Variants in FNDC3A observed in about 807,000 individuals in gnomAD.
FNDC3A encodes the protein fibronectin type III domain containing 3A.
A neutral mutation model predicts 148.9 loss-of-function variants in FNDC3A; 32 were observed. The observed-to-expected ratio is 0.21, with a 90% confidence interval of 0.16 to 0.29. The LOEUF (loss-of-function observed/expected upper bound fraction) is 0.29. Among genes scored for constraint, FNDC3A ranks in the 10% least tolerant of loss-of-function variants. FNDC3A has a pLI of 1.00. For missense variants in FNDC3A, 1,191 were observed against 1,452.8 expected (o/e 0.82, Z 2.93); for synonymous variants, 472 against 473.6 (o/e 1.00, Z 0.04).
chr13:49,047,557 G>A (rs145378028), intron 2 of FNDC3A, among the ~76,000 whole-genome samples: 2 of 152,142 alleles, frequency 1.3e-5, no homozygotes, highest in African/African-American at 4.8e-5. Flanking sequence ...GTGATGTTGA[G>A]CATTTTTCCA....
intron 8 of FNDC3A, among the ~76,000 whole-genome samples, chr13:49,165,752 A>G (rs1363211117): frequency 6.6e-6 from 1 of 152,178 alleles, no homozygotes; most frequent in African/African-American, 2.4e-5. Flanking sequence ...CGGTGATGTC[A>G]TTAGCAATGG....
chr13:49,011,068 G>A (rs983129950), intron 2 of FNDC3A, among the ~76,000 whole-genome samples: 1 of 151,908 alleles, frequency 6.6e-6, no homozygotes, highest in Admixed American at 6.6e-5. Context: ...CATCTTGGGG[G>A]TTTCTAGTTT....
chr13:49,075,778 G>A (rs1878052098), intron 3 of FNDC3A, among the ~76,000 whole-genome samples: 1 of 150,544 alleles, frequency 6.6e-6, no homozygotes, highest in Non-Finnish European at 1.5e-5. Flanking sequence ...TCCCTTATCT[G>A]GAATTCACCC....
At chr13:49,175,951 T>C (rs965263144) in intron 13 of FNDC3A, among the ~76,000 whole-genome samples, 4 of 152,258 alleles carry the variant, frequency 2.6e-5, no homozygotes, top group African/African-American at 9.6e-5. Context: ...TCTATCGAGA[T>C]AATCATGTGG....
At chr13:49,048,953 T>G (rs1027066038) in intron 2 of FNDC3A, among the ~76,000 whole-genome samples, 1 of 152,192 alleles carries the variant, frequency 6.6e-6, no homozygotes. Context: ...GCTGTGGGTT[T>G]GTCATAGATG....
chr13:49,178,528 G>A, intron 13 of FNDC3A, 40 bp from the exon 14 acceptor site: 1 of 1,223,558 alleles, frequency 8.2e-7, no homozygotes, highest in Non-Finnish European at 1.2e-6. Flanking sequence ...TATTTCTATT[G>A]TTAGACATCG....
At chr13:49,181,927 A>G (rs1001884570) in intron 14 of FNDC3A, among the ~76,000 whole-genome samples, 1 of 152,230 alleles carries the variant, frequency 6.6e-6, no homozygotes, top group African/African-American at 2.4e-5. Context: ...CTAAAACAAG[A>G]TAAGAACAGT....
At chr13:48,979,046 C>T (rs1157360451) in intron 1 of FNDC3A, among the ~76,000 whole-genome samples, 1 of 152,076 alleles carries the variant, frequency 6.6e-6, no homozygotes, top group Admixed American at 6.6e-5. Flanking sequence ...TTCAAGTTTT[C>T]TGTGTAACCT....
intron 8 of FNDC3A, among the ~76,000 whole-genome samples, chr13:49,150,943 CAAAAAAA>C (rs35888648): frequency 1.9e-5 from 2 of 107,144 alleles, no homozygotes; most frequent in African/African-American, 7.0e-5. Flanking sequence ...GACTCCGTCT[CAAAAAAA>C]AAAAAAAAAA....
At chr13:49,029,292 AT>A (rs1873944126) in intron 2 of FNDC3A, among the ~76,000 whole-genome samples, 1 of 152,246 alleles carries the variant, frequency 6.6e-6, no homozygotes, top group African/African-American at 2.4e-5. Context: ...ACAAATATGT[AT>A]AAATTAAAGA....
chr13:49,075,196 A>G (rs1379807605), intron 2 of FNDC3A, 93 bp from the exon 3 acceptor site: 1 of 623,590 alleles, frequency 1.6e-6, no homozygotes, highest in East Asian at 3.0e-5. Flanking sequence ...CAGTTTCATA[A>G]GGTTAAATAG....
chr13:49,095,762 A>G (rs142462090), intron 3 of FNDC3A, among the ~76,000 whole-genome samples: 1 of 152,102 alleles, frequency 6.6e-6, no homozygotes, highest in African/African-American at 2.4e-5. Context: ...ATTCTAACCC[A>G]GGGGCAAACC....
chr13:49,031,400 T>G (rs1874110570), intron 2 of FNDC3A, among the ~76,000 whole-genome samples: 1 of 151,950 alleles, frequency 6.6e-6, no homozygotes, highest in African/African-American at 2.4e-5. Context: ...TAAATAAAAC[T>G]TACTGCAAAG....
At chr13:49,090,150 C>T (rs778412461) in intron 3 of FNDC3A, among the ~76,000 whole-genome samples, 5 of 152,144 alleles carry the variant, frequency 3.3e-5, no homozygotes, top group Non-Finnish European at 7.4e-5. Context: ...AGGCCAGACG[C>T]GCTGGCTCAC....
chr13:49,071,417 G>T (rs1877682431), intron 2 of FNDC3A, among the ~76,000 whole-genome samples: 1 of 151,988 alleles, frequency 6.6e-6, no homozygotes, highest in South Asian at 2.1e-4. Flanking sequence ...TGGGTCATAT[G>T]GTAGTTCTAT....
At chr13:49,203,728 C>T (rs1226995661) in intron 25 of FNDC3A, among the ~76,000 whole-genome samples, 2 of 152,056 alleles carry the variant, frequency 1.3e-5, no homozygotes, top group Non-Finnish European at 2.9e-5. Context: ...TTCAGCATGG[C>T]CCAGAGGAGA....
chr13:49,096,427 C>T (rs1444207866), intron 3 of FNDC3A, among the ~76,000 whole-genome samples: 1 of 152,086 alleles, frequency 6.6e-6, no homozygotes, highest in African/African-American at 2.4e-5. Flanking sequence ...AGAGTTCTGT[C>T]TTTGACATTC....
intron 1 of FNDC3A, among the ~76,000 whole-genome samples, chr13:49,003,361 G>A (rs1484418263): frequency 2.6e-5 from 4 of 152,012 alleles, no homozygotes; most frequent in East Asian, 1.9e-4. Context: ...CACTGCACCC[G>A]GCCACATTTC....
chr13:49,056,770 A>C (rs1876278841), intron 2 of FNDC3A, among the ~76,000 whole-genome samples: 1 of 152,064 alleles, frequency 6.6e-6, no homozygotes, highest in Non-Finnish European at 1.5e-5. Context: ...GTTCTTCTTA[A>C]ATCTGCAGTC....
Sources: allele counts gnomAD v4.1 joint callset (sites outside exome capture counted in the v4.1 genomes callset), GRCh38; gene constraint gnomAD v4.1.1; transcripts MANE v1.5; gene names NCBI Gene and HGNC (gene_info 2026-07-23, HGNC 2026-07-21).